Variants in PLXNA4 observed in about 807,000 individuals in gnomAD.
The protein encoded by PLXNA4 is plexin-A4.
A neutral mutation model predicts 191.8 loss-of-function variants in PLXNA4; 44 were observed. That is an observed-to-expected ratio of 0.23 (90% CI 0.18 to 0.29). PLXNA4 has a LOEUF of 0.29. PLXNA4 is among the 10% of genes least tolerant of loss of function. The pLI is 1.00. For missense variants in PLXNA4, 1,800 were observed against 2,488.8 expected (o/e 0.72, Z 5.89); for synonymous variants, 1,082 against 1,009.5 (o/e 1.07, Z -1.36).
chr7:132,588,249 C>T (rs1300045549), intron 2 of PLXNA4, among the ~76,000 whole-genome samples: 1 of 152,250 alleles, frequency 6.6e-6, no homozygotes, highest in East Asian at 1.9e-4. Flanking sequence ...ATTCTGCAAA[C>T]TAAAAATAAT....
rs115329527 is a variant in PLXNA4, at chr7:132,506,892, C to T, written c.1188+614G>A. ...GATGCTCAATAAACACAATTTGTCC[C>T]TTCCCATCCCTTTTCTAAGTTAGCT... On this transcript the variant is annotated intron_variant, in intron 2 of 31. Transcript: ENST00000321063. 5.8e-3 allele frequency among the ~76,000 whole-genome samples: 882 copies of T among 152,342 alleles called. 8 individuals are homozygous for T. Among genetic ancestry groups the T allele is most frequent in the African/African-American group, 0.021 (861 of 41,570 alleles).
chr7:132,486,235 C>A (rs1192636795), intron 3 of PLXNA4, among the ~76,000 whole-genome samples: 2 of 152,366 alleles, frequency 1.3e-5, no homozygotes, highest in East Asian at 3.9e-4. Flanking sequence ...AATCCTCCTG[C>A]AGCTCCACAA....
chr7:132,623,353 T>A (rs1971315), intron 2 of PLXNA4, among the ~76,000 whole-genome samples: 36,086 of 148,466 alleles, frequency 0.24, 5,055 homozygotes, highest in African/African-American at 0.36. Context: ...TCTCAAAAAA[T>A]AAAATAAAAT....
intron 9 of PLXNA4, among the ~76,000 whole-genome samples, chr7:132,216,083 T>A (rs1797954215): frequency 6.6e-6 from 1 of 152,206 alleles, no homozygotes. Context: ...GACTCAGCCC[T>A]TTAACTTGTG....
chr7:132,490,078 G>A (rs536746213), intron 2 of PLXNA4, among the ~76,000 whole-genome samples: 23 of 152,322 alleles, frequency 1.5e-4, no homozygotes, highest in African/African-American at 5.3e-4. Context: ...AAGGAGCAAT[G>A]GGGGAAGGAA....
rs777308914 is a variant in PLXNA4, at chr7:132,126,717, T to C, written c.*3762A>G. On this transcript the variant is annotated 3_prime_UTR_variant, in exon 32 of 32. Transcript: ENST00000321063. Reference sequence around the variant, plus strand: ...AAATAACTTCTCTTTCACTTGTAGCTCCTCACAAGCAGCCAAGCTCACTTA... The same window carrying C: ...AAATAACTTCTCTTTCACTTGTAGCCCCTCACAAGCAGCCAAGCTCACTTA... The C allele has an allele frequency of 1.3e-5, 2 of 152,168 alleles. No individual in the cohort carries two copies. Among genetic ancestry groups the C allele is most frequent in the Non-Finnish European group, 2.9e-5 (2 of 68,062 alleles). 9.4% of individuals were successfully genotyped at this position (152,168 alleles called of 1,614,324 possible).
At chr7:132,382,019 A>AG (rs201510950) in intron 3 of PLXNA4, among the ~76,000 whole-genome samples, 20 of 114,064 alleles carry the variant, frequency 1.8e-4, no homozygotes, top group African/African-American at 9.6e-4. Context: ...GAGAGAGAGG[A>AG]GGGGGGAAAA....
chr7:132,286,125 A>G (rs1800674759), intron 4 of PLXNA4, among the ~76,000 whole-genome samples: 1 of 152,202 alleles, frequency 6.6e-6, no homozygotes, highest in South Asian at 2.1e-4. Flanking sequence ...CAGCAGGACC[A>G]CACTCTTTTC....
At chr7:132,150,580 T>C (rs1015381086) in intron 25 of PLXNA4, among the ~76,000 whole-genome samples, 1 of 152,154 alleles carries the variant, frequency 6.6e-6, no homozygotes, top group Non-Finnish European at 1.5e-5. Context: ...AGGGATGCAA[T>C]GAACTCAGCT....
At chr7:132,371,394 G>A (rs62466418) in intron 3 of PLXNA4, among the ~76,000 whole-genome samples, 8,828 of 152,144 alleles carry the variant, frequency 0.058, 295 homozygotes, top group Non-Finnish European at 0.077. Flanking sequence ...TCTAACTTTC[G>A]GTATCTTACA....
At chr7:132,285,611 A>C (rs777420003) in intron 4 of PLXNA4, among the ~76,000 whole-genome samples, 1 of 152,218 alleles carries the variant, frequency 6.6e-6, no homozygotes, top group Non-Finnish European at 1.5e-5. Flanking sequence ...TTATACCTAT[A>C]TTGCATTTAG....
At chr7:132,149,701 A>G (rs1488785968) in intron 25 of PLXNA4, among the ~76,000 whole-genome samples, 1 of 152,180 alleles carries the variant, frequency 6.6e-6, no homozygotes, top group Admixed American at 6.5e-5. Flanking sequence ...GAAATGTGCA[A>G]AGAATGCTGG....
chr7:132,403,810 G>A (rs913914120), intron 3 of PLXNA4, among the ~76,000 whole-genome samples: 1 of 152,118 alleles, frequency 6.6e-6, no homozygotes, highest in Non-Finnish European at 1.5e-5. Context: ...AGGACCTGAG[G>A]GATCAGGAGG....
intron 31 of PLXNA4, among the ~76,000 whole-genome samples, chr7:132,132,483 C>A (rs62469696): frequency 2.5e-5 from 2 of 80,788 alleles, no homozygotes; most frequent in Admixed American, 1.4e-4. Flanking sequence ...CTCTGCTCTG[C>A]TCTGCTCTAT....
chr7:132,151,348 GA>G (rs1795607808), intron 25 of PLXNA4, among the ~76,000 whole-genome samples: 5 of 65,192 alleles, frequency 7.7e-5, no homozygotes, highest in Non-Finnish European at 1.2e-4. Context: ...GGAGGAGGAG[GA>G]AGAAGAAGGA....
chr7:132,472,673 C>T (rs768737948), intron 3 of PLXNA4, among the ~76,000 whole-genome samples: 5 of 152,324 alleles, frequency 3.3e-5, no homozygotes, highest in Non-Finnish European at 7.3e-5. Flanking sequence ...AGAACAGCCC[C>T]AGGGCTCAGG....
intron 1 of PLXNA4, among the ~76,000 whole-genome samples, chr7:132,563,077 TTCTC>T (rs1801375579): frequency 1.1e-5 from 1 of 94,234 alleles, no homozygotes; most frequent in Admixed American, 1.0e-4. Flanking sequence ...CTCCTCCTCC[TTCTC>T]CTCCTCCTCT....
At position 132,406,314 on chromosome 7, in the gene PLXNA4, G is replaced by A. The variant is rs575474610; in HGVS notation, c.1371+82978C>T. ...CATAAATGAAGCTGACATTAGATAA[G>A]TCACTCACGCACTTCAAGAACTTCT... is the stretch of plus-strand genomic sequence containing the variant. On this transcript the variant is annotated intron_variant, in intron 3 of 31. Transcript: ENST00000321063. 2.0e-5 allele frequency among the ~76,000 whole-genome samples: 3 copies of A among 152,290 alleles called. No homozygotes were observed. In the South Asian group the frequency reaches 6.2e-4, roughly 32 times the overall value.
At chr7:132,210,696 G>A (rs1205820265) in intron 10 of PLXNA4, among the ~76,000 whole-genome samples, 5 of 152,176 alleles carry the variant, frequency 3.3e-5, no homozygotes, top group East Asian at 1.9e-4. Context: ...TGTCTTACAC[G>A]GACAACCTTC....
Sources: allele counts gnomAD v4.1 joint callset (sites outside exome capture counted in the v4.1 genomes callset), GRCh38; gene constraint gnomAD v4.1.1; transcripts MANE v1.5; gene names NCBI Gene and HGNC (gene_info 2026-07-23, HGNC 2026-07-21).